FHIT: variants seen among roughly 807,000 people sequenced by gnomAD.
FHIT encodes the protein fragile histidine triad diadenosine triphosphatase.
In FHIT, 19 loss-of-function variants were observed where a neutral mutation model predicts 17.9. The ratio of observed to expected loss-of-function variants is 1.06; its 90% CI spans 0.74 to 1.56. The LOEUF is 1.56. Ranked by LOEUF, FHIT falls within the 40% of genes most tolerant of loss-of-function variation. The pLI is 0.00. For synonymous variants in FHIT, 81 were observed against 69.7 expected (o/e 1.16, Z -0.81); for missense variants, 248 against 189.2 (o/e 1.31, Z -1.82).
At chr3:60,261,376 G>A (rs943664244) in intron 5 of FHIT, among the ~76,000 whole-genome samples, 124 of 152,014 alleles carry the variant, frequency 8.2e-4, no homozygotes, top group African/African-American at 2.9e-3. Context: ...CGCAAGGAAC[G>A]TATTAATTTC....
chr3:60,166,476 A>G (rs1701182410), intron 5 of FHIT, among the ~76,000 whole-genome samples: 1 of 152,200 alleles, frequency 6.6e-6, no homozygotes, highest in Non-Finnish European at 1.5e-5. Flanking sequence ...GAACATGTCA[A>G]GCAGTGTGCT....
intron 5 of FHIT, among the ~76,000 whole-genome samples, chr3:60,206,657 G>T (rs989067920): frequency 1.4e-4 from 21 of 152,258 alleles, no homozygotes; most frequent in Non-Finnish European, 2.5e-4. Flanking sequence ...ATTATTTAAA[G>T]AATGCAAAAG....
chr3:60,744,254 AAAAC>A (rs1324440755), intron 4 of FHIT, among the ~76,000 whole-genome samples: 2 of 70,794 alleles, frequency 2.8e-5, no homozygotes, highest in Non-Finnish European at 5.1e-5. Context: ...TGTAAAAAAA[AAAAC>A]AAAACAAAAC....
At chr3:60,980,878 G>C (rs1316392125) in intron 3 of FHIT, among the ~76,000 whole-genome samples, 1 of 152,164 alleles carries the variant, frequency 6.6e-6, no homozygotes. Flanking sequence ...ACAAATACCT[G>C]TTTAGATACA....
intron 2 of FHIT, among the ~76,000 whole-genome samples, chr3:61,197,798 C>T (rs2038896315): frequency 6.6e-6 from 1 of 152,078 alleles, no homozygotes; most frequent in Non-Finnish European, 1.5e-5. Flanking sequence ...CCCCATGACA[C>T]AAAGAGACCA....
chr3:60,310,791 C>T (rs950612887), intron 5 of FHIT, among the ~76,000 whole-genome samples: 2 of 152,046 alleles, frequency 1.3e-5, no homozygotes, highest in Non-Finnish European at 2.9e-5. Context: ...TCTACATGGT[C>T]CAAGAATTAG....
At chr3:60,695,677 G>C (rs1316138621) in intron 4 of FHIT, among the ~76,000 whole-genome samples, 3 of 152,236 alleles carry the variant, frequency 2.0e-5, no homozygotes, top group East Asian at 1.9e-4. Flanking sequence ...CAACATAATT[G>C]CTGCTGCTGC....
chr3:60,109,467 A>G (rs1704576866), intron 5 of FHIT, among the ~76,000 whole-genome samples: 1 of 152,182 alleles, frequency 6.6e-6, no homozygotes, highest in Non-Finnish European at 1.5e-5. Flanking sequence ...TTATTCCTAA[A>G]GAGAGAGTAA....
intron 5 of FHIT, among the ~76,000 whole-genome samples, chr3:60,246,076 C>T (rs557289845): frequency 1.3e-5 from 2 of 152,080 alleles, no homozygotes; most frequent in African/African-American, 4.8e-5. Flanking sequence ...ATATTGTTTA[C>T]CCTGGCTGTG....
intron 5 of FHIT, among the ~76,000 whole-genome samples, chr3:60,098,616 G>T (rs1484960348): frequency 1.3e-5 from 2 of 152,028 alleles, no homozygotes; most frequent in Admixed American, 6.5e-5. Context: ...CTGGATATTA[G>T]CCCTTTGTCA....
chr3:60,537,409 T>G (rs914827571), intron 4 of FHIT: 2 of 912,756 alleles, frequency 2.2e-6, no homozygotes, highest in African/African-American at 3.6e-5. Context: ...TCTCAAATGG[T>G]TTTGTGTTCA....
intron 3 of FHIT, among the ~76,000 whole-genome samples, chr3:60,843,428 T>A (rs138889164): frequency 6.6e-6 from 1 of 152,194 alleles, no homozygotes; most frequent in Admixed American, 6.5e-5. Flanking sequence ...TAGTTTCTTA[T>A]AAATGCCACC....
intron 8 of FHIT, among the ~76,000 whole-genome samples, chr3:59,775,940 G>A (rs1164824463): frequency 2.6e-5 from 4 of 152,170 alleles, no homozygotes; most frequent in African/African-American, 9.7e-5. Context: ...AGATAATGAA[G>A]CCCCATTAAA....
intron 2 of FHIT, among the ~76,000 whole-genome samples, chr3:61,082,268 G>A (rs1344571920): frequency 1.3e-5 from 2 of 152,058 alleles, no homozygotes; most frequent in Non-Finnish European, 2.9e-5. Flanking sequence ...CCAGCCCAAA[G>A]GAAACCATTA....
At chr3:60,203,019 T>C (rs1020573374) in intron 5 of FHIT, among the ~76,000 whole-genome samples, 2 of 151,478 alleles carry the variant, frequency 1.3e-5, no homozygotes, top group Admixed American at 6.6e-5. Flanking sequence ...AAAACCCCAA[T>C]AGAAGTACAT....
chr3:60,332,372 G>A (rs914892230), intron 5 of FHIT, among the ~76,000 whole-genome samples: 1 of 152,212 alleles, frequency 6.6e-6, no homozygotes, highest in Admixed American at 6.5e-5. Context: ...TGGCTATAGA[G>A]TATCTGCTCA....
At chr3:60,157,446 G>A (rs140836135) in intron 5 of FHIT, among the ~76,000 whole-genome samples, 2 of 152,162 alleles carry the variant, frequency 1.3e-5, no homozygotes, top group East Asian at 3.9e-4. Context: ...GACCTCTTAT[G>A]TCCCTTCTAG....
In FHIT at chr3:60,569,744, TATA is replaced by T. The variant is rs1377532364; in HGVS notation, c.-17-32768_-17-32766del. On this transcript the variant is annotated intron_variant, in intron 4 of 9. Coordinates refer to ENST00000492590, the MANE Select transcript of FHIT (RefSeq NM_002012.4). ...TTAATACTATATATATATATATATA[TATA>T]TATATATATTTTTTTTTTTTTTAGA... Among the ~76,000 whole-genome samples the T allele has an allele frequency of 7.4e-3, 560 of 76,148 alleles. 14 individuals are homozygous for T. The highest frequency in any genetic ancestry group is 0.025 in the Middle Eastern group (4 of 162). 50.0% of individuals were successfully genotyped at this position (76,148 alleles called of 152,430 possible).
chr3:61,237,844 G>A (rs1179788169), intron 1 of FHIT, among the ~76,000 whole-genome samples: 2 of 152,220 alleles, frequency 1.3e-5, no homozygotes, highest in African/African-American at 4.8e-5. Context: ...GGCAAAGCCA[G>A]AAGTGAGTCC....
Sources: gnomAD v4.1 joint callset for allele counts (sites outside exome capture counted in the v4.1 genomes callset) on GRCh38, gnomAD v4.1.1 for gene constraint, MANE v1.5 for transcripts, NCBI Gene and HGNC (gene_info 2026-07-23, HGNC 2026-07-21) for gene names.